Variants in GRM5 observed in about 807,000 individuals in gnomAD.
GRM5 encodes the protein metabotropic glutamate receptor 5.
Under a neutral mutation model 83.1 loss-of-function variants are expected in GRM5, and 19 were observed. The observed-to-expected ratio is 0.23, with a 90% confidence interval of 0.16 to 0.34. GRM5 has a LOEUF of 0.34. Ranked by LOEUF, GRM5 falls within the 10% of genes least tolerant of loss-of-function variation. GRM5 has a pLI of 1.00. For missense variants in GRM5, 1,160 were observed against 1,588.3 expected, an observed-to-expected ratio of 0.73 and a Z score of 4.58; for synonymous variants, 675 against 633.6, an observed-to-expected ratio of 1.07 and a Z score of -0.98.
intron 2 of GRM5, among the ~76,000 whole-genome samples, chr11:88,896,353 GA>G: frequency 6.6e-6 from 1 of 151,822 alleles, no homozygotes; most frequent in South Asian, 2.1e-4. Flanking sequence ...TCCAAAGGAA[GA>G]TATGTAGAAA....
intron 2 of GRM5, among the ~76,000 whole-genome samples, chr11:88,883,983 A>T (rs1396565322): frequency 2.0e-5 from 3 of 152,186 alleles, no homozygotes; most frequent in African/African-American, 7.2e-5. Flanking sequence ...CCTCTGCTAC[A>T]GCACTATGGA....
intron 2 of GRM5, among the ~76,000 whole-genome samples, chr11:88,857,081 C>T (rs904057051): frequency 6.6e-6 from 1 of 151,958 alleles, no homozygotes; most frequent in African/African-American, 2.4e-5. Flanking sequence ...TTTTCATTTC[C>T]ATAAAGTAAA....
At chr11:88,703,291 A>C (rs1195649552) in intron 3 of GRM5, among the ~76,000 whole-genome samples, 1 of 152,100 alleles carries the variant, frequency 6.6e-6, no homozygotes, top group African/African-American at 2.4e-5. Context: ...TTTCAATCAC[A>C]ATAGTTCCTA....
chr11:88,877,247 C>A lies in GRM5; in HGVS notation c.662-27092G>T, dbSNP rs576002964. Reference sequence around the variant, plus strand: ...ACAAGTATTTGAGGTGAATAATATGCTAATTACCCTGGTAAATTAGCACAT... The same window carrying A: ...ACAAGTATTTGAGGTGAATAATATGATAATTACCCTGGTAAATTAGCACAT... On this transcript the variant is annotated intron_variant, in intron 2 of 9. Transcript: ENST00000305447. Among the ~76,000 whole-genome samples, 16 of 152,104 alleles carry A rather than the reference C, an allele frequency of 1.1e-4. No homozygotes were observed. In the East Asian group the frequency reaches 2.3e-3, roughly 22 times the overall value.
intron 1 of GRM5, among the ~76,000 whole-genome samples, chr11:89,055,819 T>C (rs1306987538): frequency 1.3e-5 from 2 of 152,118 alleles, no homozygotes; most frequent in African/African-American, 4.8e-5. Flanking sequence ...ACAGAGGGCA[T>C]ATCATGTGTT....
intron 2 of GRM5, among the ~76,000 whole-genome samples, chr11:88,908,378 G>T (rs2135604002): frequency 6.6e-6 from 1 of 152,130 alleles, no homozygotes; most frequent in Non-Finnish European, 1.5e-5. Flanking sequence ...CTAGTAATAT[G>T]AATAAAAATG....
At chr11:88,801,714 A>G (rs1943398454) in intron 3 of GRM5, among the ~76,000 whole-genome samples, 1 of 152,142 alleles carries the variant, frequency 6.6e-6, no homozygotes, top group Non-Finnish European at 1.5e-5. Flanking sequence ...GAATAACTTG[A>G]CTTCTTTCAC....
intron 3 of GRM5, among the ~76,000 whole-genome samples, chr11:88,807,550 G>A (rs1943517829): frequency 6.6e-6 from 1 of 152,022 alleles, no homozygotes; most frequent in Non-Finnish European, 1.5e-5. Context: ...ATAAGAAAAG[G>A]ACCCACTTGG....
chr11:88,904,738 G>T (rs1470916459), intron 2 of GRM5, among the ~76,000 whole-genome samples: 1 of 151,870 alleles, frequency 6.6e-6, no homozygotes, highest in Non-Finnish European at 1.5e-5. Flanking sequence ...TTTATCTCTA[G>T]AATATATGTA....
chr11:89,044,466 C>A (rs544102587), intron 2 of GRM5, among the ~76,000 whole-genome samples: 1 of 152,210 alleles, frequency 6.6e-6, no homozygotes, highest in Non-Finnish European at 1.5e-5. Context: ...TTGTACACTC[C>A]TCTGGAATTC....
chr11:89,044,026 C>T (rs917034249), intron 2 of GRM5, among the ~76,000 whole-genome samples: 3 of 152,102 alleles, frequency 2.0e-5, no homozygotes, highest in African/African-American at 7.2e-5. Context: ...ACAGAAGCAC[C>T]ATTAGTAGAC....
At chr11:88,644,053 G>A (rs1939372715) in intron 4 of GRM5, among the ~76,000 whole-genome samples, 1 of 152,140 alleles carries the variant, frequency 6.6e-6, no homozygotes, top group South Asian at 2.1e-4. Flanking sequence ...TGAAAAACTT[G>A]CACACATTCT....
intron 2 of GRM5, among the ~76,000 whole-genome samples, chr11:88,888,263 G>C (rs911964432): frequency 2.0e-5 from 3 of 152,122 alleles, no homozygotes; most frequent in Non-Finnish European, 2.9e-5. Flanking sequence ...ATGTTATGTT[G>C]CTCCTAAGCC....
At chr11:88,804,776 C>T (rs1193748098) in intron 3 of GRM5, among the ~76,000 whole-genome samples, 1 of 152,050 alleles carries the variant, frequency 6.6e-6, no homozygotes, top group East Asian at 1.9e-4. Flanking sequence ...ATGGCATGTA[C>T]ACATGGACAT....
rs200343438 is a variant in GRM5 at position 88,978,474 on chromosome 11, TAAAAAAAAAAAAAAAAAAAA to T, written c.661+68718_661+68737del. 5.8e-4 allele frequency among the ~76,000 whole-genome samples: 57 copies of T among 97,986 alleles called. 1 individual carries two copies. Among genetic ancestry groups the T allele is most frequent in the East Asian group, 2.7e-3 (9 of 3,308 alleles). The allele number at this position is 97,986 out of a possible 152,430, so 64.3% of individuals were successfully genotyped here. On this transcript the variant is annotated intron_variant, in intron 2 of 9. Transcript: ENST00000305447. Reference sequence around the variant, plus strand: ...TAACATTAACAACAGCAGATGAGCTTAAAAAAAAAAAAAAAAAAAAAAAAAAAAAAAAAAAAAAAAAACCT... The same window carrying T: ...TAACATTAACAACAGCAGATGAGCTTAAAAAAAAAAAAAAAAAAAAAACCT...
In GRM5 at chr11:88,993,560, G is replaced by A. The variant is rs1228799481; in HGVS notation, c.661+53652C>T. Among the ~76,000 whole-genome samples, 5 of 152,076 alleles carry A rather than the reference G, an allele frequency of 3.3e-5. No individual in the cohort carries two copies. In the East Asian group the frequency reaches 9.6e-4, roughly 29 times the overall value. On this transcript the variant is annotated intron_variant, in intron 2 of 9. Coordinates refer to ENST00000305447, the MANE Select transcript of GRM5 (RefSeq NM_001143831.3). The stretch of plus-strand genomic sequence containing the variant: ...TCCAGCTTTGATCTTTCTCAAAATT[G>A]CTTTGGCTATTCAGAGTCTTTTTTG...
chr11:88,556,781 T>G (rs1406776729), intron 8 of GRM5, among the ~76,000 whole-genome samples: 1 of 152,118 alleles, frequency 6.6e-6, no homozygotes, highest in African/African-American at 2.4e-5. Flanking sequence ...AATGCATGTC[T>G]TCGCTGACAA....
chr11:88,885,974 G>C (rs1945038418), intron 2 of GRM5, among the ~76,000 whole-genome samples: 1 of 152,124 alleles, frequency 6.6e-6, no homozygotes, highest in African/African-American at 2.4e-5. Flanking sequence ...CGATCAACTG[G>C]AAAGCCTATT....
chr11:88,970,694 A>G (rs765591695), intron 2 of GRM5, among the ~76,000 whole-genome samples: 5 of 152,184 alleles, frequency 3.3e-5, no homozygotes, highest in Non-Finnish European at 7.4e-5. Context: ...TGAGTGTCAC[A>G]TATCTGGAAT....
Sources: gnomAD v4.1 joint callset for allele counts (sites outside exome capture counted in the v4.1 genomes callset) on GRCh38, gnomAD v4.1.1 for gene constraint, MANE v1.5 for transcripts, NCBI Gene and HGNC (gene_info 2026-07-23, HGNC 2026-07-21) for gene names.